KIAA0753: variants seen among roughly 807,000 people sequenced by gnomAD.
The protein encoded by KIAA0753 is protein moonraker.
KIAA0753 carries 114 observed loss-of-function variants against 116.9 expected under a neutral mutation model. The observed-to-expected ratio is 0.98, with a 90% confidence interval of 0.84 to 1.14. The LOEUF is 1.14. Ranked by LOEUF, KIAA0753 falls within the 50% of genes most tolerant of loss-of-function variation. KIAA0753 has a pLI of 0.00. For synonymous variants in KIAA0753, 405 were observed against 413.1 expected, an observed-to-expected ratio of 0.98 and a Z score of 0.24; for missense variants, 1,156 against 1,172.4, an observed-to-expected ratio of 0.99 and a Z score of 0.20.
intron 7 of KIAA0753, among the ~76,000 whole-genome samples, chr17:6,616,826 A>AAAAT (rs759743357): frequency 7.2e-5 from 11 of 152,204 alleles, no homozygotes; most frequent in African/African-American, 1.7e-4. Flanking sequence ...ACTACGTCTC[A>AAAAT]AAATAAATAA....
In KIAA0753 at chr17:6,612,291, C is replaced by G. The variant is rs1038338959; in HGVS notation, c.1316-143G>C. On this transcript the variant is annotated intron_variant, in intron 7 of 18. Transcript: ENST00000361413. Reference sequence around the variant, plus strand: ...AGATGTTTTGTTGTCAACATTGTTCCTCCTCCTATGAATATTACTGCAGGT... The same window carrying G: ...AGATGTTTTGTTGTCAACATTGTTCGTCCTCCTATGAATATTACTGCAGGT... 1.3e-4 allele frequency: 84 copies of G among 647,486 alleles called. 1 individual carries two copies. In the Admixed American group the frequency reaches 2.5e-3, roughly 19 times the overall value. 40.1% of individuals were successfully genotyped at this position (647,486 alleles called of 1,614,324 possible).
At chr17:6,597,934 T>A (rs1458763112) in intron 14 of KIAA0753, among the ~76,000 whole-genome samples, 1 of 152,256 alleles carries the variant, frequency 6.6e-6, no homozygotes, top group Non-Finnish European at 1.5e-5. Flanking sequence ...CAGTTCTTTG[T>A]AAACACTGAC....
chr17:6,607,208 T>C lies in KIAA0753; in HGVS notation c.1892A>G (p.Lys631Arg). Residue 631 changes from lysine (K) to arginine (R), a missense_variant, in exon 11 of 19, where the codon AAG becomes AGG. Transcript: ENST00000361413. ...CTGTTTTTGCATGCTGTCAATTTCC[T>C]TGGCTTTTAACTCTTCTAGTTCCTT... ...RLKELEELKA[K>R]EIDSMQKQRL... The C allele has an allele frequency of 6.2e-7, 1 of 1,614,166 alleles. No individual in the cohort carries two copies. Among genetic ancestry groups the C allele is most frequent in the Non-Finnish European group, 8.5e-7 (1 of 1,179,996 alleles).
chr17:6,603,718 C>T (rs1420826310), intron 12 of KIAA0753, among the ~76,000 whole-genome samples: 5 of 152,088 alleles, frequency 3.3e-5, no homozygotes, highest in Non-Finnish European at 7.3e-5. Flanking sequence ...CTGGAGAAGC[C>T]GGCAACCCAG....
intron 2 of KIAA0753, 109 bp from the exon 3 acceptor site, chr17:6,628,850 T>G: frequency 9.4e-7 from 1 of 1,063,316 alleles, no homozygotes; most frequent in South Asian, 1.7e-5. Flanking sequence ...TCATTAGTGC[T>G]AAGAGGCATT....
chr17:6,597,353 C>G (rs1360588703), intron 14 of KIAA0753, among the ~76,000 whole-genome samples: 3 of 151,980 alleles, frequency 2.0e-5, no homozygotes, highest in Non-Finnish European at 4.4e-5. Flanking sequence ...ACAAAAAAAT[C>G]AAGAGACAAC....
rs540769431 is a variant in KIAA0753 at position 6,598,765 on chromosome 17, T to C, written c.2172+472A>G. On this transcript the variant is annotated intron_variant, in intron 14 of 18. Coordinates refer to ENST00000361413, the MANE Select transcript of KIAA0753 (RefSeq NM_014804.3). ...TTTTTCTCAAATGTTCTCATTTTTTTCCTGGGTCACCTTTTTCTCTCTGCT... is the reference window on the plus strand; with the variant it reads ...TTTTTCTCAAATGTTCTCATTTTTTCCCTGGGTCACCTTTTTCTCTCTGCT... 7.0e-4 allele frequency among the ~76,000 whole-genome samples: 107 copies of C among 152,352 alleles called. 1 individual carries two copies. Among genetic ancestry groups the C allele is most frequent in the African/African-American group, 2.4e-3 (101 of 41,586 alleles).
At chr17:6,609,971 C>G (rs373116233) in intron 9 of KIAA0753, 23 bp downstream of exon 9, 9 of 1,612,064 alleles carry the variant, frequency 5.6e-6, no homozygotes, top group Non-Finnish European at 7.6e-6. Context: ...CATACACAAA[C>G]GGTCCCTTGA....
At position 6,612,043 on chromosome 17, in the gene KIAA0753, T is replaced by C; in HGVS notation, c.1421A>G (p.Asp474Gly). The C allele has an allele frequency of 6.2e-7, 1 of 1,614,228 alleles. No homozygotes were observed. The highest frequency in any genetic ancestry group is 1.1e-5 in the South Asian group (1 of 91,084). Residue 474 changes from aspartate (D) to glycine (G), a missense_variant, in exon 8 of 19, where the codon GAC becomes GGC. Transcript: ENST00000361413. ...CTCGTCTTTGAAGCTTGCACTTTGG[T>C]CTAGAATAAATGGTCCTTCTTCCAG... ...IVLEEGPFIL[D>G]QSASFKDEVL...
intron 7 of KIAA0753, among the ~76,000 whole-genome samples, chr17:6,619,246 A>G (rs1335287081): frequency 6.6e-6 from 1 of 152,048 alleles, no homozygotes; most frequent in East Asian, 1.9e-4. Flanking sequence ...AAAAAAAATC[A>G]GAATAATCTG....
chr17:6,589,776 G>A lies in KIAA0753; in HGVS notation c.2786+3C>T, dbSNP rs771581575. 17 of 1,590,576 alleles carry A rather than the reference G, an allele frequency of 1.1e-5. No homozygotes were observed. The highest frequency in any genetic ancestry group is 1.4e-5 in the Non-Finnish European group (16 of 1,173,282). On this transcript the variant is annotated splice_donor_region_variant and intron_variant, in intron 18 of 18. Coordinates refer to ENST00000361413, the MANE Select transcript of KIAA0753 (RefSeq NM_014804.3). ...AAACAGAGGACCGTAACATTTTACTGACCTTTCAGCTATCAGCCACGGGTT... is the reference window on the plus strand; with the variant it reads ...AAACAGAGGACCGTAACATTTTACTAACCTTTCAGCTATCAGCCACGGGTT...
chr17:6,589,720 T>C (rs778086325), intron 18 of KIAA0753, 59 bp downstream of exon 18: 26 of 1,328,390 alleles, frequency 2.0e-5, no homozygotes, highest in Non-Finnish European at 2.6e-5. Context: ...TCCAGCTTTT[T>C]CTAAGTCTAA....
rs1339128375 is a variant in KIAA0753, at chr17:6,579,258, C to T, written c.*489G>A. 2 of 156,866 alleles carry T rather than the reference C, an allele frequency of 1.3e-5. No individual in the cohort carries two copies. Among genetic ancestry groups the T allele is most frequent in the African/African-American group, 4.8e-5 (2 of 41,548 alleles). 9.7% of individuals were successfully genotyped at this position (156,866 alleles called of 1,614,324 possible). ...ACTGTGCTCTCCCTGAGTCTACAGC[C>T]TAGTAGGGCCAGAGGTCCTGACAGG... On this transcript the variant is annotated 3_prime_UTR_variant, in exon 19 of 19. Transcript: ENST00000361413.
At chr17:6,602,517 G>A (rs988041327) in intron 12 of KIAA0753, among the ~76,000 whole-genome samples, 1 of 152,204 alleles carries the variant, frequency 6.6e-6, no homozygotes, top group Admixed American at 6.5e-5. Context: ...CAGACACAAT[G>A]GGGTAGATCT....
chr17:6,602,570 T>TA (rs1969945372), intron 12 of KIAA0753, among the ~76,000 whole-genome samples: 1 of 152,146 alleles, frequency 6.6e-6, no homozygotes, highest in South Asian at 2.1e-4. Context: ...CAAAGCTACT[T>TA]ACAGTAAAAG....
chr17:6,601,173 G>T (rs1401836260), intron 12 of KIAA0753: 1 of 152,408 alleles, frequency 6.6e-6, no homozygotes, highest in African/African-American at 2.4e-5. Context: ...CTGGGAGGGG[G>T]TGGTTTAAAA....
rs765589499 is a variant in KIAA0753, at chr17:6,608,454, G to C, written c.1723C>G (p.Leu575Val). Residue 575 changes from leucine (L) to valine (V), a missense_variant, in exon 10 of 19, where the codon CTA becomes GTA. Transcript: ENST00000361413. The part of the protein sequence containing the change: ...PPASPKCAAW[L>V]KVKTSPRDAT... ...TCTCTGGGGCTAGTTTTCACCTTTAGCCATGCAGCACTGAAATAAATGGAA... is the reference window on the plus strand; with the variant it reads ...TCTCTGGGGCTAGTTTTCACCTTTACCCATGCAGCACTGAAATAAATGGAA... 2.0e-6 allele frequency: 3 copies of C among 1,537,618 alleles called. No individual in the cohort carries two copies. Among genetic ancestry groups the C allele is most frequent in the African/African-American group, 2.8e-5 (2 of 71,804 alleles).
chr17:6,620,467 C>G lies in KIAA0753; in HGVS notation c.1315+321G>C, dbSNP rs995833866. Among the ~76,000 whole-genome samples the G allele has an allele frequency of 1.2e-4, 18 of 151,138 alleles. No homozygotes were observed. The South Asian group carries it at 1.3e-3, about 11-fold the overall frequency. On this transcript the variant is annotated intron_variant, in intron 7 of 18. Coordinates refer to ENST00000361413, the MANE Select transcript of KIAA0753 (RefSeq NM_014804.3). ...ATATATAGAATGTATGTGTGTGTCT[C>G]TGTGTGTGTACATATCTCTGTCATT...
At position 6,623,518 on chromosome 17, in the gene KIAA0753, G is replaced by T; in HGVS notation, c.879C>A (p.His293Gln). Residue 293 changes from histidine (H) to glutamine (Q), a missense_variant, in exon 5 of 19, where the codon CAC (histidine) becomes CAA (glutamine). Transcript: ENST00000361413. ...TTTAATTGCAGCATACCTTCTTAGT[G>T]TGTTTAATTTTATGTGGACTCAATT... ...LDKLSPHKIK[H>Q]TKKSWAMSKL... 1 of 1,602,438 alleles carries T rather than the reference G, an allele frequency of 6.2e-7. No homozygotes were observed. Among genetic ancestry groups the T allele is most frequent in the Non-Finnish European group, 8.5e-7 (1 of 1,171,368 alleles).
Sources: allele counts gnomAD v4.1 joint callset (sites outside exome capture counted in the v4.1 genomes callset), GRCh38; gene constraint gnomAD v4.1.1; transcripts MANE v1.5; gene names NCBI Gene and HGNC (gene_info 2026-07-23, HGNC 2026-07-21).